Variants in YEATS2 observed in about 807,000 individuals in gnomAD.
YEATS2 encodes YEATS domain containing 2.
A neutral mutation model predicts 163.2 loss-of-function variants in YEATS2; 77 were observed. That is an observed-to-expected ratio of 0.47 (90% CI 0.39 to 0.57). The LOEUF (loss-of-function observed/expected upper bound fraction) is 0.57, where lower values mean the gene tolerates loss of function less well. Among genes scored for constraint, YEATS2 ranks in the 20% least tolerant of loss-of-function variants. The pLI is 0.00. For synonymous variants in YEATS2, 631 were observed against 645.1 expected (o/e 0.98, Z 0.33); for missense variants, 1,549 against 1,729.8 (o/e 0.90, Z 1.85).
intron 8 of YEATS2, among the ~76,000 whole-genome samples, chr3:183,743,579 A>G (rs1719200303): frequency 6.6e-6 from 1 of 151,910 alleles, no homozygotes; most frequent in Non-Finnish European, 1.5e-5. Context: ...CTCCTGGACT[A>G]AAACAATCTA....
At chr3:183,780,894 A>G (rs757538589) in intron 19 of YEATS2, among the ~76,000 whole-genome samples, 1 of 152,316 alleles carries the variant, frequency 6.6e-6, no homozygotes, top group East Asian at 1.9e-4. Context: ...ATACTTGGCC[A>G]CAAAGAGAAT....
At chr3:183,701,453 C>T (rs1386170802) in intron 1 of YEATS2, among the ~76,000 whole-genome samples, 3 of 152,056 alleles carry the variant, frequency 2.0e-5, no homozygotes, top group South Asian at 2.1e-4. Flanking sequence ...GTGATGCAGC[C>T]GTAGGTCATT....
chr3:183,735,896 C>G (rs1718290214), intron 7 of YEATS2, among the ~76,000 whole-genome samples: 1 of 152,184 alleles, frequency 6.6e-6, no homozygotes, highest in Admixed American at 6.5e-5. Flanking sequence ...AGCCAGTATT[C>G]ATAACAAATG....
chr3:183,803,674 G>T (rs569651453), intron 26 of YEATS2: 257 of 486,522 alleles, frequency 5.3e-4, no homozygotes, highest in Admixed American at 8.4e-4. Flanking sequence ...TGGAGACCAG[G>T]TGAAGATCCT....
intron 2 of YEATS2, among the ~76,000 whole-genome samples, chr3:183,716,564 T>TA (rs1715900604): frequency 6.6e-6 from 1 of 152,178 alleles, no homozygotes; most frequent in African/African-American, 2.4e-5. Context: ...TTAGAGGAAA[T>TA]ACCGTTTCCT....
At chr3:183,797,507 T>G (rs1725264023) in intron 21 of YEATS2, among the ~76,000 whole-genome samples, 2 of 151,700 alleles carry the variant, frequency 1.3e-5, no homozygotes, top group Non-Finnish European at 2.9e-5. Context: ...ATTGTACCAC[T>G]GCGCTTTTCA....
chr3:183,721,828 G>C (rs1716520852), intron 4 of YEATS2, 63 bp from the exon 5 acceptor site: 4 of 1,587,720 alleles, frequency 2.5e-6, no homozygotes, highest in Non-Finnish European at 3.4e-6. Context: ...GGAGAGATCA[G>C]ATTTTTGCCT....
rs372399179 is a variant in YEATS2, at chr3:183,751,270, A to T, written c.970-803A>T. ...CATTTGACCATATATGTGAGGATTT[A>T]TTCTGTTCCATTGGTCTGTATGTCT... is the stretch of plus-strand genomic sequence containing the variant. On this transcript the variant is annotated intron_variant, in intron 9 of 30. Coordinates refer to ENST00000305135, the MANE Select transcript of YEATS2 (RefSeq NM_018023.5). Among the ~76,000 whole-genome samples the T allele has an allele frequency of 1.2e-4, 18 of 152,278 alleles. 1 individual carries two copies. Among genetic ancestry groups the T allele is most frequent in the Admixed American group, 5.2e-4 (8 of 15,296 alleles).
rs1176974770 is a variant in YEATS2 at position 183,796,148 on chromosome 3, A to ATT, written c.3098-1755_3098-1754dup. ...CAGGCACCTGCCACCATGCCCGGCT[A>ATT]TTTTTTTTTTTTTTTTTTTTTGTAT... On this transcript the variant is annotated intron_variant, in intron 21 of 30. Coordinates refer to ENST00000305135, the MANE Select transcript of YEATS2 (RefSeq NM_018023.5). Among the ~76,000 whole-genome samples the ATT allele has an allele frequency of 1.5e-3, 147 of 96,028 alleles. 2 individuals are homozygous for ATT. Among genetic ancestry groups the ATT allele is most frequent in the Middle Eastern group, 7.8e-3 (1 of 128 alleles). The allele number at this position is 96,028 out of a possible 152,430, so 63.0% of individuals were successfully genotyped here.
In YEATS2 at chr3:183,762,710, T is replaced by TA. The variant is rs564236683; in HGVS notation, c.1947+433dup. On this transcript the variant is annotated intron_variant, in intron 15 of 30. Transcript: ENST00000305135. ...TTTCTGTAGAGTTCTTTTTTTTTTTTAATAATTTGGAGGTACAGGAGAATT... is the reference window on the plus strand; with the variant it reads ...TTTCTGTAGAGTTCTTTTTTTTTTTTAAATAATTTGGAGGTACAGGAGAATT... 3.6e-3 allele frequency among the ~76,000 whole-genome samples: 553 copies of TA among 152,152 alleles called. 4 individuals are homozygous for TA. Among genetic ancestry groups the TA allele is most frequent in the South Asian group, 0.013 (65 of 4,824 alleles).
intron 7 of YEATS2, among the ~76,000 whole-genome samples, chr3:183,730,725 G>T (rs538991230): frequency 1.7e-4 from 26 of 152,170 alleles, no homozygotes; most frequent in African/African-American, 5.8e-4. Context: ...TTCAGCACCT[G>T]GTTTACTGAT....
At position 183,798,913 on chromosome 3, in the gene YEATS2, C is replaced by T. The variant is rs760272747; in HGVS notation, c.3249C>T (p.Ser1083=). ...TAGTGGTTCAGTCATTTTCTACCAG[C>T]AAGCCACCTGCCATTCTGCCTGTAG... is the stretch of plus-strand genomic sequence containing the variant. ...VNKVVQSFST[S]KPPAILPVAA... is the part of the protein sequence containing the mutation. Residue 1083 remains serine (S), a synonymous_variant, in exon 23 of 31, where the codon AGC becomes AGT. Coordinates refer to ENST00000305135, the MANE Select transcript of YEATS2 (RefSeq NM_018023.5). 6.2e-6 allele frequency: 10 copies of T among 1,614,060 alleles called. No homozygotes were observed. In the East Asian group the frequency reaches 1.1e-4, roughly 18 times the overall value.
At chr3:183,726,879 G>A (rs1046823526) in intron 6 of YEATS2, among the ~76,000 whole-genome samples, 3 of 152,116 alleles carry the variant, frequency 2.0e-5, no homozygotes, top group African/African-American at 7.2e-5. Flanking sequence ...TCAGCTCACT[G>A]TACCCTCCAC....
rs756588629 is a variant in YEATS2, at chr3:183,772,570, C to T, written c.2206+7C>T. ...AGTGGATCCCAGGGTTCAGGTAAAA[C>T]GGATCATCACTGGGAGCCCTTTCAG... On this transcript the variant is annotated splice_region_variant and intron_variant, in intron 16 of 30. Coordinates refer to ENST00000305135, the MANE Select transcript of YEATS2 (RefSeq NM_018023.5). The T allele has an allele frequency of 8.1e-6, 13 of 1,612,976 alleles. No homozygotes were observed. Among genetic ancestry groups the T allele is most frequent in the South Asian group, 4.4e-5 (4 of 91,054 alleles).
intron 15 of YEATS2, among the ~76,000 whole-genome samples, chr3:183,771,701 T>A (rs1287159140): frequency 6.7e-6 from 1 of 148,414 alleles, no homozygotes; most frequent in East Asian, 2.0e-4. Flanking sequence ...TACAGATGTG[T>A]GCCACTGTAC....
intron 15 of YEATS2, among the ~76,000 whole-genome samples, chr3:183,764,737 G>A (rs942282771): frequency 6.6e-6 from 1 of 152,168 alleles, no homozygotes; most frequent in Non-Finnish European, 1.5e-5. Context: ...ACCCCGGCAG[G>A]CAGAGGTTGC....
At chr3:183,747,587 A>G in intron 8 of YEATS2, 85 bp from the exon 9 acceptor site, 1 of 1,124,180 alleles carries the variant, frequency 8.9e-7, no homozygotes. Flanking sequence ...GACTTGCAAA[A>G]GAGCTGTAGA....
At chr3:183,699,578 A>G (rs755192584) in intron 1 of YEATS2, among the ~76,000 whole-genome samples, 2 of 151,806 alleles carry the variant, frequency 1.3e-5, no homozygotes, top group African/African-American at 2.4e-5. Context: ...AGTGATCTGT[A>G]CGTAGATGAT....
rs779065743 is a variant in YEATS2 at position 183,772,470 on chromosome 3, G to T, written c.2113G>T (p.Gly705Cys). Residue 705 changes from glycine (G) to cysteine (C), a missense_variant, in exon 16 of 31, where the codon GGT (glycine) becomes TGT (cysteine). By Grantham distance (159) the Gly-to-Cys change is radical. Coordinates refer to ENST00000305135, the MANE Select transcript of YEATS2 (RefSeq NM_018023.5). ...AGTTGCCAAAGCAATTGTGAGTGGA[G>T]GTGGAGGAACCATTGTTGCTCAGCC... ...QGVAKAIVSG[G>C]GGTIVAQPVQ... 2 of 1,614,126 alleles carry T rather than the reference G, an allele frequency of 1.2e-6. No individual in the cohort carries two copies. Among genetic ancestry groups the T allele is most frequent in the South Asian group, 2.2e-5 (2 of 91,082 alleles).
Sources: gnomAD v4.1 joint callset for allele counts (sites outside exome capture counted in the v4.1 genomes callset) on GRCh38, gnomAD v4.1.1 for gene constraint, MANE v1.5 for transcripts, NCBI Gene and HGNC (gene_info 2026-07-23, HGNC 2026-07-21) for gene names.